The following SYN3 variants were observed in gnomAD, a reference collection of about 807,000 sequenced individuals.
The protein encoded by SYN3 is synapsin III.
Under a neutral mutation model 65.8 loss-of-function variants are expected in SYN3, and 35 were observed. That is an observed-to-expected ratio of 0.53 (90% confidence interval 0.41 to 0.70). SYN3 has a LOEUF of 0.70. Among genes scored for constraint, SYN3 ranks in the 30% least tolerant of loss-of-function variants. SYN3 has a pLI of 0.00. For missense variants in SYN3, 680 were observed against 749.0 expected (o/e 0.91, Z 1.08); for synonymous variants, 270 against 292.9 (o/e 0.92, Z 0.80).
At chr22:33,046,016 CA>C (rs1306904033) in intron 1 of SYN3, among the ~76,000 whole-genome samples, 1 of 146,376 alleles carries the variant, frequency 6.8e-6, no homozygotes. Context: ...AAAAAAAAAA[CA>C]AAAAACGTGT....
At position 32,810,914 on chromosome 22, in the gene SYN3, A is replaced by G. The variant is rs536091607; in HGVS notation, c.711+54001T>C. 6.2e-4 allele frequency among the ~76,000 whole-genome samples: 95 copies of G among 152,328 alleles called. 1 individual carries two copies. The highest frequency in any genetic ancestry group is 2.2e-3 in the African/African-American group (93 of 41,574). ...TTCGATTTGGAAACATGATAGCTCT[A>G]GTGAGCTCTGCTACTCCCAAGCTTG... is the stretch of plus-strand genomic sequence containing the variant. On this transcript the variant is annotated intron_variant, in intron 6 of 13. Transcript: ENST00000358763.
intron 6 of SYN3, among the ~76,000 whole-genome samples, chr22:32,652,624 A>G (rs952344552): frequency 1.3e-5 from 2 of 152,154 alleles, no homozygotes; most frequent in African/African-American, 4.8e-5. Flanking sequence ...GCTCAATTCT[A>G]TGAAGCAGAA....
chr22:32,865,864 T>C (rs903073543), intron 5 of SYN3, among the ~76,000 whole-genome samples: 1 of 152,096 alleles, frequency 6.6e-6, no homozygotes, highest in East Asian at 1.9e-4. Context: ...TGAAGGGACC[T>C]GGAAGGGGGA....
At chr22:33,032,402 G>A (rs1366821260) in intron 1 of SYN3, among the ~76,000 whole-genome samples, 2 of 152,006 alleles carry the variant, frequency 1.3e-5, no homozygotes, top group Non-Finnish European at 2.9e-5. Context: ...CTACTTGGGA[G>A]GCTGAGGCAG....
chr22:32,543,239 C>A (rs1178383322), intron 7 of SYN3, among the ~76,000 whole-genome samples: 1 of 152,196 alleles, frequency 6.6e-6, no homozygotes, highest in Non-Finnish European at 1.5e-5. Flanking sequence ...TGTGAGCAGG[C>A]AGGCAGGCTG....
chr22:33,038,127 C>T (rs1042866858), intron 1 of SYN3, among the ~76,000 whole-genome samples: 2 of 152,184 alleles, frequency 1.3e-5, no homozygotes, highest in Admixed American at 6.5e-5. Context: ...GCCTCCCAGG[C>T]TCCCCACCAA....
At chr22:32,644,101 A>AGGG (rs1555914434) in intron 6 of SYN3, among the ~76,000 whole-genome samples, 2 of 71,226 alleles carry the variant, frequency 2.8e-5, no homozygotes, top group Non-Finnish European at 5.3e-5. Flanking sequence ...AAAAAAAAAA[A>AGGG]AGCGACAAGA....
intron 4 of SYN3, among the ~76,000 whole-genome samples, chr22:32,889,326 CA>C (rs1244130662): frequency 6.6e-6 from 1 of 151,870 alleles, no homozygotes; most frequent in Non-Finnish European, 1.5e-5. Flanking sequence ...ACTCTTGCTT[CA>C]GGGGGGCTTT....
At chr22:32,767,945 G>A (rs1376257855) in intron 6 of SYN3, among the ~76,000 whole-genome samples, 1 of 152,110 alleles carries the variant, frequency 6.6e-6, no homozygotes, top group Admixed American at 6.5e-5. Context: ...TCTTCCCCTG[G>A]ATGTCTAACA....
At chr22:32,583,731 C>G (rs1286208106) in intron 7 of SYN3, 1 of 152,342 alleles carries the variant, frequency 6.6e-6, no homozygotes, top group Middle Eastern at 3.4e-3. Context: ...TCAGGCCACA[C>G]TTTGGCCCAC....
At chr22:32,952,299 G>A (rs35107288) in intron 3 of SYN3, among the ~76,000 whole-genome samples, 7 of 150,388 alleles carry the variant, frequency 4.7e-5, no homozygotes, top group Non-Finnish European at 1.0e-4. Flanking sequence ...TGTGTGGGGG[G>A]GTGTGTGTGT....
intron 2 of SYN3, among the ~76,000 whole-genome samples, chr22:32,991,877 G>A (rs373464729): frequency 3.9e-5 from 6 of 152,158 alleles, no homozygotes; most frequent in African/African-American, 9.7e-5. Context: ...CTCTCCTGTC[G>A]AAGATGCACG....
chr22:32,698,913 G>A (rs1159949886), intron 6 of SYN3, among the ~76,000 whole-genome samples: 1 of 152,168 alleles, frequency 6.6e-6, no homozygotes, highest in Non-Finnish European at 1.5e-5. Context: ...TGTGTTCCAG[G>A]ATGGGGGGGT....
intron 6 of SYN3, among the ~76,000 whole-genome samples, chr22:32,605,593 G>A (rs2059361334): frequency 6.6e-6 from 1 of 152,186 alleles, no homozygotes; most frequent in Non-Finnish European, 1.5e-5. Context: ...GGAAATAAAG[G>A]CAAAGAGAGG....
chr22:32,533,590 A>G (rs1285404998), intron 10 of SYN3, among the ~76,000 whole-genome samples: 1 of 152,114 alleles, frequency 6.6e-6, no homozygotes, highest in East Asian at 1.9e-4. Flanking sequence ...CTCCCGACTC[A>G]GTTCCAAGTC....
rs139614819 is a variant in SYN3, at chr22:33,024,093, C to T, written c.-162-17269G>A. ...TCTTTCCACGGGCAGCAATGTCTGC[C>T]GGGCACAGCCTCCTTCTCTTTTGTG... On this transcript the variant is annotated intron_variant, in intron 1 of 13. Coordinates refer to ENST00000358763, the MANE Select transcript of SYN3 (RefSeq NM_003490.4). 3.2e-3 allele frequency among the ~76,000 whole-genome samples: 485 copies of T among 152,140 alleles called. 3 individuals carry two copies. Among genetic ancestry groups the T allele is most frequent in the Non-Finnish European group, 4.2e-3 (287 of 68,004 alleles).
chr22:32,787,894 G>A (rs183534076), intron 6 of SYN3, among the ~76,000 whole-genome samples: 15 of 152,270 alleles, frequency 9.9e-5, no homozygotes, highest in African/African-American at 3.6e-4. Flanking sequence ...GAGAGGCAGA[G>A]GGAGGGTCAG....
intron 2 of SYN3, among the ~76,000 whole-genome samples, chr22:33,001,656 C>G (rs1374486556): frequency 6.6e-6 from 1 of 152,210 alleles, no homozygotes; most frequent in Non-Finnish European, 1.5e-5. Flanking sequence ...ATAATATACA[C>G]TTATGCAGTA....
intron 4 of SYN3, among the ~76,000 whole-genome samples, chr22:32,898,271 G>GGCTGAGCC (rs2049654637): frequency 6.6e-6 from 1 of 152,154 alleles, no homozygotes; most frequent in Non-Finnish European, 1.5e-5. Flanking sequence ...TGGGATTACA[G>GGCTGAGCC]GCTGAGCCAC....
Sources: gnomAD v4.1 joint callset for allele counts (sites outside exome capture counted in the v4.1 genomes callset) on GRCh38, gnomAD v4.1.1 for gene constraint, MANE v1.5 for transcripts, NCBI Gene and HGNC (gene_info 2026-07-23, HGNC 2026-07-21) for gene names.